VIPR2: variants seen among roughly 807,000 people sequenced by gnomAD.
VIPR2 encodes vasoactive intestinal polypeptide receptor 2.
In VIPR2, 48 loss-of-function variants were observed where a neutral mutation model predicts 58.0. That is an observed-to-expected ratio of 0.83 (90% CI 0.66 to 1.05). The LOEUF (loss-of-function observed/expected upper bound fraction) is 1.05. Among genes scored for constraint, VIPR2 ranks in the 50% least tolerant of loss-of-function variants. VIPR2 has a pLI of 0.00. For synonymous variants in VIPR2, 243 were observed against 235.2 expected, an observed-to-expected ratio of 1.03 and a Z score of -0.30; for missense variants, 534 against 558.0, an observed-to-expected ratio of 0.96 and a Z score of 0.43.
chr7:159,126,335 C>A (rs181500158), intron 2 of VIPR2, among the ~76,000 whole-genome samples: 1 of 152,330 alleles, frequency 6.6e-6, no homozygotes, highest in African/African-American at 2.4e-5. Flanking sequence ...ATGTTTACAT[C>A]ATTTGTTCTT....
intron 4 of VIPR2, among the ~76,000 whole-genome samples, chr7:159,068,659 G>A (rs922053727): frequency 2.1e-4 from 32 of 152,232 alleles, no homozygotes; most frequent in African/African-American, 7.2e-4. Flanking sequence ...CTGCTGTGAC[G>A]TTTGTTGTAG....
rs1201216049 is a variant in VIPR2, at chr7:159,029,626, T to C, written c.*990A>G. The C allele has an allele frequency of 6.6e-6, 1 of 152,318 alleles. No individual in the cohort carries two copies. The highest frequency in any genetic ancestry group is 2.4e-5 in the African/African-American group (1 of 41,476). 9.4% of individuals were successfully genotyped at this position (152,318 alleles called of 1,614,324 possible). On this transcript the variant is annotated 3_prime_UTR_variant, in exon 13 of 13. Transcript: ENST00000262178. ...GGCCTGGCCGCAGCTGGCCTGGGGC[T>C]GAGCGTCAGGCTCTGCGGCTCCCAC...
intron 5 of VIPR2, among the ~76,000 whole-genome samples, chr7:159,047,558 T>C (rs945080897): frequency 6.6e-6 from 1 of 152,238 alleles, no homozygotes; most frequent in African/African-American, 2.4e-5. Context: ...CCTGAATTTA[T>C]TGCAATTCAT....
intron 4 of VIPR2, among the ~76,000 whole-genome samples, chr7:159,090,062 GCA>G (rs1857375062): frequency 6.6e-6 from 1 of 150,402 alleles, no homozygotes; most frequent in Admixed American, 6.6e-5. Context: ...GGTGACCTCA[GCA>G]CAGACACGCT....
Position 159,030,398 on chromosome 7 carries a change from A to G in VIPR2, c.*218T>C, listed in dbSNP as rs1435516368. ...ACTATACGGCTGAAACACATTTTGCACAAGATTATCTAAATGCTGGAGTTT... is the reference window on the plus strand; with the variant it reads ...ACTATACGGCTGAAACACATTTTGCGCAAGATTATCTAAATGCTGGAGTTT... On this transcript the variant is annotated 3_prime_UTR_variant, in exon 13 of 13. Transcript: ENST00000262178. 11 of 489,758 alleles carry G rather than the reference A, an allele frequency of 2.2e-5. No individual in the cohort carries two copies. Among genetic ancestry groups the G allele is most frequent in the Non-Finnish European group, 3.1e-5 (9 of 291,734 alleles). 30.3% of individuals were successfully genotyped at this position (489,758 alleles called of 1,614,324 possible).
At chr7:159,130,983 T>A (rs1294290498) in intron 2 of VIPR2, among the ~76,000 whole-genome samples, 1 of 152,192 alleles carries the variant, frequency 6.6e-6, no homozygotes, top group Non-Finnish European at 1.5e-5. Flanking sequence ...GGACATGGCA[T>A]CCAAGGCCCA....
At chr7:159,064,628 G>A (rs934659333) in intron 4 of VIPR2, among the ~76,000 whole-genome samples, 3 of 152,162 alleles carry the variant, frequency 2.0e-5, no homozygotes, top group African/African-American at 4.8e-5. Flanking sequence ...TGGGTGCAGT[G>A]GCACAGAGGC....
At chr7:159,131,732 A>G (rs1351459696) in intron 2 of VIPR2, among the ~76,000 whole-genome samples, 3 of 152,220 alleles carry the variant, frequency 2.0e-5, no homozygotes, top group African/African-American at 7.2e-5. Flanking sequence ...TAAGTCACTG[A>G]TTTTGGTTAT....
chr7:159,104,112 G>A (rs1858475264), intron 3 of VIPR2, among the ~76,000 whole-genome samples: 1 of 152,174 alleles, frequency 6.6e-6, no homozygotes, highest in Non-Finnish European at 1.5e-5. Context: ...TACCGCAACT[G>A]TAAGTGTAGT....
In VIPR2 at chr7:159,045,755, A is replaced by C. The variant is rs574791670; in HGVS notation, c.456-2579T>G. Among the ~76,000 whole-genome samples, 5 of 152,294 alleles carry C rather than the reference A, an allele frequency of 3.3e-5. No individual in the cohort carries two copies. In the South Asian group the frequency reaches 8.3e-4, roughly 25 times the overall value. ...TATGATACCAAAAGCACAGCAAAAA[A>C]ACAACAGATAAAGTTGACTTCATCA... On this transcript the variant is annotated intron_variant, in intron 5 of 12. Transcript: ENST00000262178.
intron 5 of VIPR2, among the ~76,000 whole-genome samples, chr7:159,052,921 T>C (rs574519368): frequency 1.2e-3 from 181 of 152,358 alleles, no homozygotes; most frequent in African/African-American, 4.2e-3. Flanking sequence ...GCAAACATCA[T>C]GCTTATAGTG....
In VIPR2 at chr7:159,132,883, A is replaced by C. The variant is rs10231991; in HGVS notation, c.151+9563T>G. 9.6e-3 allele frequency among the ~76,000 whole-genome samples: 705 copies of C among 73,088 alleles called. 13 individuals carry two copies. The highest frequency in any genetic ancestry group is 0.019 in the African/African-American group (311 of 16,518). 47.9% of individuals were successfully genotyped at this position (73,088 alleles called of 152,430 possible). On this transcript the variant is annotated intron_variant, in intron 2 of 12. Transcript: ENST00000262178. ...ATTTTAGACAGAATGATTGGCATAC[A>C]GATTGATTTCAGACAGAATGATTGG... is the stretch of plus-strand genomic sequence containing the variant.
chr7:159,062,624 G>C (rs1170043106), intron 4 of VIPR2, among the ~76,000 whole-genome samples: 1 of 152,144 alleles, frequency 6.6e-6, no homozygotes, highest in East Asian at 1.9e-4. Flanking sequence ...TTCCTAGTGA[G>C]TATTACAGCT....
At chr7:159,054,282 A>T (rs1467050695) in intron 5 of VIPR2, among the ~76,000 whole-genome samples, 1 of 152,250 alleles carries the variant, frequency 6.6e-6, no homozygotes, top group Admixed American at 6.5e-5. Flanking sequence ...AAAAAAGAAT[A>T]TGGCAAAGAT....
At chr7:159,033,134 G>A (rs1853692931) in intron 10 of VIPR2, among the ~76,000 whole-genome samples, 2 of 152,194 alleles carry the variant, frequency 1.3e-5, no homozygotes, top group African/African-American at 4.8e-5. Context: ...CCTGACCTTA[G>A]TGACATTATT....
intron 8 of VIPR2, among the ~76,000 whole-genome samples, chr7:159,035,347 C>T (rs1432352487): frequency 1.3e-5 from 2 of 152,236 alleles, no homozygotes; most frequent in African/African-American, 2.4e-5. Flanking sequence ...CCCAGGTCAT[C>T]AGGTGCAGAA....
chr7:159,117,403 T>G (rs1280651585), intron 2 of VIPR2: 1 of 717,498 alleles, frequency 1.4e-6, no homozygotes, highest in Admixed American at 2.0e-5. Flanking sequence ...TCCCTTTGTA[T>G]GGCCTGTGAA....
At chr7:159,107,949 G>T (rs1795830223) in intron 3 of VIPR2, among the ~76,000 whole-genome samples, 1 of 152,226 alleles carries the variant, frequency 6.6e-6, no homozygotes, top group Admixed American at 6.5e-5. Flanking sequence ...CCACCTGCTG[G>T]AAGGATGAGA....
intron 4 of VIPR2, among the ~76,000 whole-genome samples, chr7:159,083,362 G>A (rs947971186): frequency 2.6e-5 from 4 of 152,228 alleles, no homozygotes; most frequent in African/African-American, 9.6e-5. Context: ...ATCTCAATGG[G>A]CGCCCAGCCC....
Sources: allele counts gnomAD v4.1 joint callset (sites outside exome capture counted in the v4.1 genomes callset), GRCh38; gene constraint gnomAD v4.1.1; transcripts MANE v1.5; gene names NCBI Gene and HGNC (gene_info 2026-07-23, HGNC 2026-07-21).